Variants in PDE8B observed in about 807,000 individuals in gnomAD.
PDE8B encodes phosphodiesterase 8B, also known as high affinity cAMP-specific and IBMX-insensitive 3',5'-cyclic phosphodiesterase 8B.
A neutral mutation model predicts 101.3 loss-of-function variants in PDE8B; 26 were observed. The ratio of observed to expected loss-of-function variants is 0.26; its 90% CI spans 0.19 to 0.36. PDE8B has a LOEUF of 0.36. Among genes scored for constraint, PDE8B ranks in the 10% least tolerant of loss-of-function variants. PDE8B has a pLI of 1.00. For synonymous variants in PDE8B, 424 were observed against 429.3 expected, an observed-to-expected ratio of 0.99 and a Z score of 0.15; for missense variants, 810 against 1,163.1, an observed-to-expected ratio of 0.70 and a Z score of 4.42.
chr5:77,348,919 T>C (rs1780609270), intron 7 of PDE8B, among the ~76,000 whole-genome samples: 1 of 152,162 alleles, frequency 6.6e-6, no homozygotes, highest in Non-Finnish European at 1.5e-5. Flanking sequence ...TGGGCCCAAC[T>C]GATCCTCCTG....
intron 10 of PDE8B, among the ~76,000 whole-genome samples, chr5:77,359,370 A>G (rs1782700320): frequency 6.6e-6 from 1 of 152,168 alleles, no homozygotes. Context: ...ACCTACCCTG[A>G]GCATGATGTG....
At chr5:77,160,230 G>T in the PDE8B span, among the ~76,000 whole-genome samples, 2 of 152,040 alleles carry the variant, frequency 1.3e-5, no homozygotes, top group Non-Finnish European at 2.9e-5. Context: ...CCAAGCCCAG[G>T]TGTTTAAGTT....
Position 77,351,150 on chromosome 5 carries a change from G to A in PDE8B, c.1103G>A (p.Gly368Glu). ...HVKITPVIGQGGKIRHFVSLK... is the reference protein window; with the variant it reads ...HVKITPVIGQEGKIRHFVSLK... ...AAGATCACCCCAGTGATTGGCCAAG[G>A]AGGGTGAGAGCAAACTGTTCAACTC... Residue 368 changes from glycine (G) to glutamate (E), a missense_variant, in exon 9 of 22, where the codon GGA becomes GAA. Gly to Glu is a moderately conservative substitution (Grantham distance 98). This residue lies in a region of PDE8B where 251 missense variants were observed against 378.8 expected (regional missense o/e 0.66). Coordinates refer to ENST00000264917, the MANE Select transcript of PDE8B (RefSeq NM_003719.5). 6.2e-7 allele frequency: 1 copy of A among 1,610,368 alleles called. No homozygotes were observed. The highest frequency in any genetic ancestry group is 1.1e-5 in the South Asian group (1 of 90,990).
the PDE8B span, among the ~76,000 whole-genome samples, chr5:77,191,222 A>G: frequency 1.4e-5 from 2 of 143,824 alleles, no homozygotes; most frequent in Non-Finnish European, 3.1e-5. Context: ...ATCTTCAAAT[A>G]TAGTCATATT....
the PDE8B span, among the ~76,000 whole-genome samples, chr5:77,204,174 C>G: frequency 1.3e-5 from 2 of 148,926 alleles, no homozygotes; most frequent in Non-Finnish European, 1.5e-5. Flanking sequence ...CTTTAGGAGG[C>G]TGAGGCAGGC....
the PDE8B span, among the ~76,000 whole-genome samples, chr5:77,153,073 TGCTATGG>T: frequency 6.6e-6 from 1 of 152,108 alleles, no homozygotes; most frequent in Non-Finnish European, 1.5e-5. Context: ...AGGGAGGTGG[TGCTATGG>T]GCATCTGGTG....
chr5:77,158,316 C>G, the PDE8B span, among the ~76,000 whole-genome samples: 1 of 152,142 alleles, frequency 6.6e-6, no homozygotes, highest in African/African-American at 2.4e-5. Flanking sequence ...AAATGAAAAG[C>G]TGCCACAAAG....
chr5:77,360,090 CAAA>C (rs200573688), intron 10 of PDE8B, among the ~76,000 whole-genome samples: 3 of 82,116 alleles, frequency 3.7e-5, no homozygotes, highest in Non-Finnish European at 2.7e-5. Flanking sequence ...GACTTCATCG[CAAA>C]AAAAAAAAAA....
At chr5:77,110,861 C>T in the PDE8B span, among the ~76,000 whole-genome samples, 2 of 152,220 alleles carry the variant, frequency 1.3e-5, no homozygotes, top group Non-Finnish European at 2.9e-5. Flanking sequence ...CCTTCCAAAC[C>T]TATCTGCTAT....
At chr5:77,311,486 T>C (rs1772606272) in intron 1 of PDE8B, among the ~76,000 whole-genome samples, 1 of 152,170 alleles carries the variant, frequency 6.6e-6, no homozygotes, top group African/African-American at 2.4e-5. Flanking sequence ...TTGACCCTCA[T>C]AGTAAAACAT....
At chr5:77,336,132 T>C (rs1778140131) in intron 5 of PDE8B, among the ~76,000 whole-genome samples, 1 of 152,240 alleles carries the variant, frequency 6.6e-6, no homozygotes, top group African/African-American at 2.4e-5. Context: ...TTTTCTTCTA[T>C]GTTATTATTT....
At chr5:77,123,328 C>T in the PDE8B span, among the ~76,000 whole-genome samples, 1,648 of 151,914 alleles carry the variant, frequency 0.011, 35 homozygotes, top group African/African-American at 0.037. Flanking sequence ...CCAAAGGTGC[C>T]GCCTCTCAAA....
chr5:77,313,296 GAA>G (rs911631117), intron 2 of PDE8B, among the ~76,000 whole-genome samples: 4 of 143,192 alleles, frequency 2.8e-5, no homozygotes, highest in Admixed American at 6.9e-5. Flanking sequence ...TCTAGGAAAG[GAA>G]AAAAAAAAAG....
At chr5:77,408,268 T>C (rs768139763) in intron 13 of PDE8B, among the ~76,000 whole-genome samples, 1 of 152,012 alleles carries the variant, frequency 6.6e-6, no homozygotes, top group African/African-American at 2.4e-5. Context: ...CCCTCCCAGG[T>C]TTTTGGTGTG....
chr5:77,131,881 A>G, the PDE8B span, among the ~76,000 whole-genome samples: 1 of 152,166 alleles, frequency 6.6e-6, no homozygotes, highest in Admixed American at 6.5e-5. Flanking sequence ...CAGTCCTGCA[A>G]CTTAGAATTC....
At chr5:77,272,601 G>C (rs1277474809) in intron 1 of PDE8B, among the ~76,000 whole-genome samples, 1 of 152,132 alleles carries the variant, frequency 6.6e-6, no homozygotes, top group Non-Finnish European at 1.5e-5. Flanking sequence ...CTGAGCTACT[G>C]CTTGCCACCC....
At chr5:77,140,411 A>C in the PDE8B span, 1 of 152,108 alleles carries the variant, frequency 6.6e-6, no homozygotes, top group Non-Finnish European at 1.5e-5. Context: ...TAAAATCCCA[A>C]GGGTGTTAAA....
chr5:77,309,195 A>G (rs1281626477), intron 1 of PDE8B, among the ~76,000 whole-genome samples: 2 of 144,606 alleles, frequency 1.4e-5, no homozygotes, highest in Non-Finnish European at 3.0e-5. Flanking sequence ...AGAAAGAAAG[A>G]AAAAGAAAGA....
At chr5:77,130,986 CT>C in the PDE8B span, 1 of 152,242 alleles carries the variant, frequency 6.6e-6, no homozygotes, top group South Asian at 2.1e-4. Context: ...ACTGTGTGGA[CT>C]GCCTCTCCCT....
Sources: allele counts gnomAD v4.1 joint callset (sites outside exome capture counted in the v4.1 genomes callset), GRCh38; gene constraint gnomAD v4.1.1; regional missense constraint gnomAD v4.1.1; transcripts MANE v1.5; gene names NCBI Gene and HGNC (gene_info 2026-07-23, HGNC 2026-07-21).